The following HPSE2 variants were observed in gnomAD, a reference collection of about 807,000 sequenced individuals.
HPSE2 encodes the protein heparanase 2 (inactive), also known as inactive heparanase-2.
A neutral mutation model predicts 60.5 loss-of-function variants in HPSE2; 38 were observed. That is an observed-to-expected ratio of 0.63 (90% CI 0.48 to 0.82). HPSE2 has a LOEUF of 0.82. Ranked by LOEUF, HPSE2 falls within the 40% of genes least tolerant of loss-of-function variation. HPSE2 has a pLI of 0.00. For missense variants in HPSE2, 713 were observed against 740.4 expected (o/e 0.96, Z 0.43); for synonymous variants, 295 against 293.2 (o/e 1.01, Z -0.06).
At chr10:98,697,224 T>A (rs1046017667) in intron 5 of HPSE2, among the ~76,000 whole-genome samples, 1 of 152,176 alleles carries the variant, frequency 6.6e-6, no homozygotes, top group African/African-American at 2.4e-5. Context: ...TCAAGGAGCA[T>A]GTTCTAACCC....
chr10:98,666,729 A>C (rs1179896917), intron 6 of HPSE2, among the ~76,000 whole-genome samples: 1 of 152,188 alleles, frequency 6.6e-6, no homozygotes, highest in Non-Finnish European at 1.5e-5. Flanking sequence ...AATTCCTTGA[A>C]ACTAATGAAA....
chr10:98,700,608 C>G (rs1311435844), intron 5 of HPSE2, among the ~76,000 whole-genome samples: 1 of 115,382 alleles, frequency 8.7e-6, no homozygotes, highest in African/African-American at 2.7e-5. Context: ...TCTAAAACAC[C>G]AAAAGCAATG....
chr10:98,539,892 C>T (rs897424910), intron 9 of HPSE2, among the ~76,000 whole-genome samples: 2 of 152,226 alleles, frequency 1.3e-5, no homozygotes, highest in Non-Finnish European at 2.9e-5. Flanking sequence ...TTCTGCTATT[C>T]GCCCTGCACC....
intron 2 of HPSE2, among the ~76,000 whole-genome samples, chr10:99,146,005 C>T (rs994246718): frequency 2.0e-5 from 3 of 152,034 alleles, no homozygotes; most frequent in African/African-American, 7.2e-5. Context: ...ATGTATATAC[C>T]AATTTCTTGA....
At chr10:99,062,834 C>G (rs945135270) in intron 3 of HPSE2, among the ~76,000 whole-genome samples, 2 of 152,170 alleles carry the variant, frequency 1.3e-5, no homozygotes, top group Non-Finnish European at 2.9e-5. Flanking sequence ...CAGAACCACC[C>G]AGAGACCATT....
At chr10:98,952,361 A>AGTGTGTGTGT (rs1955388378) in intron 3 of HPSE2, among the ~76,000 whole-genome samples, 1 of 115,758 alleles carries the variant, frequency 8.6e-6, no homozygotes. Flanking sequence ...TGTGTGTGTC[A>AGTGTGTGTGT]GGGTGGGTAT....
intron 5 of HPSE2, among the ~76,000 whole-genome samples, chr10:98,709,881 T>C (rs1464862449): frequency 6.8e-6 from 1 of 147,912 alleles, no homozygotes; most frequent in Non-Finnish European, 1.5e-5. Context: ...TAAAATCTGA[T>C]TTCTGAATTT....
At chr10:99,109,236 A>C (rs1275236238) in intron 3 of HPSE2, among the ~76,000 whole-genome samples, 1 of 152,210 alleles carries the variant, frequency 6.6e-6, no homozygotes, top group East Asian at 1.9e-4. Flanking sequence ...CAAAATCCAA[A>C]GTTTAGATTT....
chr10:98,521,235 T>C (rs1302454974), intron 9 of HPSE2, among the ~76,000 whole-genome samples: 1 of 152,214 alleles, frequency 6.6e-6, no homozygotes, highest in Admixed American at 6.5e-5. Flanking sequence ...TTTTGCAATC[T>C]ACCCATCTGA....
At chr10:98,998,946 A>G (rs1442487251) in intron 3 of HPSE2, among the ~76,000 whole-genome samples, 2 of 152,228 alleles carry the variant, frequency 1.3e-5, no homozygotes. Context: ...GCCAAGTTAG[A>G]GATGGAATTC....
intron 7 of HPSE2, among the ~76,000 whole-genome samples, chr10:98,631,088 G>C (rs1256215833): frequency 1.3e-5 from 2 of 152,012 alleles, no homozygotes; most frequent in East Asian, 1.9e-4. Context: ...ATCTTTTTCT[G>C]TATAATTTCT....
At chr10:99,072,159 C>T (rs550535252) in intron 3 of HPSE2, among the ~76,000 whole-genome samples, 1 of 151,908 alleles carries the variant, frequency 6.6e-6, no homozygotes, top group Non-Finnish European at 1.5e-5. Context: ...AATGTAGAGA[C>T]TGCATTGGGT....
At chr10:99,035,137 C>T (rs546278231) in intron 3 of HPSE2, among the ~76,000 whole-genome samples, 45 of 152,274 alleles carry the variant, frequency 3.0e-4, no homozygotes, top group South Asian at 8.3e-4. Flanking sequence ...CTTTCTTTAA[C>T]GTTTTTACTT....
At chr10:98,670,786 C>G (rs756521611) in intron 6 of HPSE2, among the ~76,000 whole-genome samples, 1 of 152,184 alleles carries the variant, frequency 6.6e-6, no homozygotes, top group East Asian at 1.9e-4. Context: ...TGCATGAAAC[C>G]CCTGTTACAT....
chr10:98,505,365 T>C (rs937416544), intron 9 of HPSE2, among the ~76,000 whole-genome samples: 1 of 152,202 alleles, frequency 6.6e-6, no homozygotes, highest in African/African-American at 2.4e-5. Flanking sequence ...TCATTAAAGT[T>C]TAAGAAGCTC....
intron 5 of HPSE2, among the ~76,000 whole-genome samples, chr10:98,708,239 GA>G (rs1256145941): frequency 6.6e-6 from 1 of 151,982 alleles, no homozygotes; most frequent in Admixed American, 6.6e-5. Context: ...GGCGGATCAC[GA>G]GGTCAGGAGA....
chr10:99,117,847 C>T (rs1844772355), intron 3 of HPSE2, among the ~76,000 whole-genome samples: 1 of 152,046 alleles, frequency 6.6e-6, no homozygotes, highest in South Asian at 2.1e-4. Context: ...GATGAGGGAC[C>T]CTTCCCTAAC....
At chr10:99,255,551 C>T in the HPSE2 span, among the ~76,000 whole-genome samples, 12 of 115,500 alleles carry the variant, frequency 1.0e-4, no homozygotes, top group Non-Finnish European at 1.2e-4. Flanking sequence ...CACACATGCA[C>T]GCATGCACAC....
intron 2 of HPSE2, among the ~76,000 whole-genome samples, chr10:99,205,488 A>G (rs111836598): frequency 0.028 from 4,185 of 152,178 alleles, 191 homozygotes; most frequent in African/African-American, 0.095. Flanking sequence ...AGGCTGAGGC[A>G]TGAGAATCGC....
Sources: gnomAD v4.1 joint callset for allele counts (sites outside exome capture counted in the v4.1 genomes callset) on GRCh38, gnomAD v4.1.1 for gene constraint, MANE v1.5 for transcripts, NCBI Gene and HGNC (gene_info 2026-07-23, HGNC 2026-07-21) for gene names.